GRIK2: variants seen among roughly 807,000 people sequenced by gnomAD.
GRIK2 encodes the protein glutamate ionotropic receptor kainate type subunit 2.
In GRIK2, 32 loss-of-function variants were observed where a neutral mutation model predicts 100.3. That is an observed-to-expected ratio of 0.32 (90% confidence interval 0.24 to 0.43). GRIK2 has a LOEUF of 0.43. GRIK2 is among the 20% of genes least tolerant of loss of function. The pLI is 1.00. For missense variants in GRIK2, 843 were observed against 1,114.9 expected, an observed-to-expected ratio of 0.76 and a Z score of 3.47; for synonymous variants, 417 against 389.4, an observed-to-expected ratio of 1.07 and a Z score of -0.83.
At chr6:101,581,174 A>G (rs1453868749) in intron 2 of GRIK2, among the ~76,000 whole-genome samples, 1 of 150,918 alleles carries the variant, frequency 6.6e-6, no homozygotes, top group African/African-American at 2.4e-5. Context: ...ATACATATAT[A>G]TATATATACA....
chr6:101,862,647 A>T (rs1784795385), intron 11 of GRIK2, among the ~76,000 whole-genome samples: 1 of 151,900 alleles, frequency 6.6e-6, no homozygotes, highest in African/African-American at 2.4e-5. Flanking sequence ...CTAGTCTCAA[A>T]CTTTTGGACT....
intron 9 of GRIK2, among the ~76,000 whole-genome samples, chr6:101,817,062 C>T (rs1440696184): frequency 1.3e-5 from 2 of 152,140 alleles, no homozygotes; most frequent in African/African-American, 4.8e-5. Context: ...ATTATTGACT[C>T]TGAAATAGAA....
intron 2 of GRIK2, among the ~76,000 whole-genome samples, chr6:101,484,568 C>CACACAT (rs921246798): frequency 6.8e-6 from 1 of 148,018 alleles, no homozygotes; most frequent in Non-Finnish European, 1.5e-5. Context: ...CACACACACA[C>CACACAT]ATATATATGG....
At chr6:101,417,598 C>G (rs1776213625) in intron 2 of GRIK2, among the ~76,000 whole-genome samples, 1 of 152,122 alleles carries the variant, frequency 6.6e-6, no homozygotes, top group Non-Finnish European at 1.5e-5. Context: ...CAGTGGAATC[C>G]TAAATCTTAA....
chr6:102,045,937 T>G (rs141777643), intron 15 of GRIK2, among the ~76,000 whole-genome samples: 127 of 152,180 alleles, frequency 8.3e-4, no homozygotes, highest in Non-Finnish European at 1.4e-3. Flanking sequence ...AAAGATCAAA[T>G]TACATGTTGC....
chr6:101,414,467 C>T (rs116270475), intron 2 of GRIK2, among the ~76,000 whole-genome samples: 1,838 of 151,868 alleles, frequency 0.012, 34 homozygotes, highest in African/African-American at 0.041. Context: ...GATGTAGATT[C>T]GGTGACATAT....
intron 4 of GRIK2, among the ~76,000 whole-genome samples, chr6:101,642,187 T>C (rs960741612): frequency 6.6e-6 from 1 of 151,870 alleles, no homozygotes; most frequent in Non-Finnish European, 1.5e-5. Flanking sequence ...TGTAGTTTTC[T>C]TAGAACATGT....
intron 14 of GRIK2, among the ~76,000 whole-genome samples, chr6:101,987,056 T>C (rs1263157316): frequency 6.6e-6 from 1 of 151,772 alleles, no homozygotes; most frequent in Non-Finnish European, 1.5e-5. Flanking sequence ...GGCAGGAGGA[T>C]TGCTTGGGCC....
At chr6:101,560,474 A>G (rs531718367) in intron 2 of GRIK2, among the ~76,000 whole-genome samples, 1 of 152,028 alleles carries the variant, frequency 6.6e-6, no homozygotes, top group African/African-American at 2.4e-5. Context: ...CCAGTATAGC[A>G]TTTTCACCAT....
At chr6:101,859,212 T>C in intron 10 of GRIK2, 75 bp from the exon 11 acceptor site, 1 of 744,604 alleles carries the variant, frequency 1.3e-6, no homozygotes, top group Non-Finnish European at 2.3e-6. Flanking sequence ...TTCTGTCTTC[T>C]AAGAAAAGCA....
intron 2 of GRIK2, among the ~76,000 whole-genome samples, chr6:101,426,445 G>A (rs775509531): frequency 2.0e-5 from 3 of 151,888 alleles, no homozygotes; most frequent in Non-Finnish European, 2.9e-5. Flanking sequence ...CTGTATTTTT[G>A]TATCAATTAA....
chr6:101,799,828 G>T, intron 8 of GRIK2, 37 bp downstream of exon 8: 25 of 1,541,016 alleles, frequency 1.6e-5, no homozygotes, highest in Non-Finnish European at 2.1e-5. Context: ...TGTCTCTTTT[G>T]TTGTCAAGCT....
chr6:101,795,264 A>C (rs74705793), intron 7 of GRIK2, among the ~76,000 whole-genome samples: 3,883 of 152,224 alleles, frequency 0.026, 171 homozygotes, highest in African/African-American at 0.088. Context: ...CGCTTTGATT[A>C]TAGGGTTAGC....
intron 2 of GRIK2, among the ~76,000 whole-genome samples, chr6:101,554,267 TC>T (rs1306872774): frequency 3.9e-5 from 6 of 152,218 alleles, no homozygotes; most frequent in African/African-American, 1.2e-4. Context: ...CTGCCAAAGC[TC>T]CTGAAGTTCG....
intron 10 of GRIK2, among the ~76,000 whole-genome samples, chr6:101,834,224 A>C (rs1782904903): frequency 6.6e-6 from 1 of 152,042 alleles, no homozygotes; most frequent in Non-Finnish European, 1.5e-5. Context: ...TGAGGCTTAA[A>C]ATTTCTTTCC....
At chr6:101,645,057 C>G (rs773931854) in intron 4 of GRIK2, among the ~76,000 whole-genome samples, 9 of 151,530 alleles carry the variant, frequency 5.9e-5, no homozygotes, top group Non-Finnish European at 7.4e-5. Context: ...ATAAACTTGC[C>G]TGTTGTTTAG....
intron 14 of GRIK2, among the ~76,000 whole-genome samples, chr6:102,021,002 A>G (rs1769392906): frequency 6.6e-6 from 1 of 151,834 alleles, no homozygotes; most frequent in Non-Finnish European, 1.5e-5. Flanking sequence ...TTAAATTTTC[A>G]TTCTATAGAA....
chr6:101,947,222 T>C (rs1791335698), intron 14 of GRIK2, among the ~76,000 whole-genome samples: 1 of 152,192 alleles, frequency 6.6e-6, no homozygotes, highest in Non-Finnish European at 1.5e-5. Flanking sequence ...AAGTAATTTT[T>C]AATACTAACA....
chr6:101,867,038 C>T (rs1785095474), intron 11 of GRIK2, among the ~76,000 whole-genome samples: 1 of 151,856 alleles, frequency 6.6e-6, no homozygotes, highest in Non-Finnish European at 1.5e-5. Flanking sequence ...TTAACTGAAG[C>T]TCAAAAAGAT....
Sources: allele counts gnomAD v4.1 joint callset (sites outside exome capture counted in the v4.1 genomes callset), GRCh38; gene constraint gnomAD v4.1.1; transcripts MANE v1.5; gene names NCBI Gene and HGNC (gene_info 2026-07-23, HGNC 2026-07-21).